The following CALD1 variants were observed in gnomAD, a reference collection of about 807,000 sequenced individuals.
CALD1 encodes the protein caldesmon.
CALD1 carries 33 observed loss-of-function variants against 99.9 expected under a neutral mutation model. That is an observed-to-expected ratio of 0.33 (90% CI 0.25 to 0.44). CALD1 has a LOEUF of 0.44. CALD1 is among the 20% of genes least tolerant of loss of function. The pLI is 1.00. For missense variants in CALD1, 861 were observed against 962.1 expected (o/e 0.89, Z 1.39); for synonymous variants, 310 against 325.0 (o/e 0.95, Z 0.50).
chr7:134,874,822 A>T (rs1260055188), intron 3 of CALD1, among the ~76,000 whole-genome samples: 1 of 152,240 alleles, frequency 6.6e-6, no homozygotes, highest in Admixed American at 6.5e-5. Flanking sequence ...TATAAAAAGA[A>T]GCAATTTTTT....
At chr7:134,728,754 A>G in the CALD1 span, among the ~76,000 whole-genome samples, 3 of 152,032 alleles carry the variant, frequency 2.0e-5, no homozygotes, top group African/African-American at 4.8e-5. Flanking sequence ...CTATCGTTCT[A>G]TCCCTTGAGG....
upstream of CALD1, among the ~76,000 whole-genome samples, chr7:134,779,138 T>C (rs1057330914): frequency 6.6e-6 from 1 of 152,182 alleles, no homozygotes; most frequent in African/African-American, 2.4e-5. Flanking sequence ...AGAAATATAC[T>C]ATTAAGACTC....
chr7:134,964,757 A>T (rs1438955065), intron 13 of CALD1, among the ~76,000 whole-genome samples: 1 of 152,176 alleles, frequency 6.6e-6, no homozygotes, highest in African/African-American at 2.4e-5. Flanking sequence ...TGATCTATTG[A>T]CTTGTAAGAG....
chr7:134,744,232 G>A (rs1796615583), upstream of CALD1: 2 of 152,156 alleles, frequency 1.3e-5, no homozygotes, highest in South Asian at 4.2e-4. Context: ...TTTTCTAGGG[G>A]AGGTAAAGTG....
At chr7:134,746,446 A>T (rs1473441372) in intron 1 of CALD1, among the ~76,000 whole-genome samples, 1 of 152,230 alleles carries the variant, frequency 6.6e-6, no homozygotes, top group Non-Finnish European at 1.5e-5. Flanking sequence ...TGGCAGTCCA[A>T]ACGGTTTAAG....
intron 3 of CALD1, among the ~76,000 whole-genome samples, chr7:134,871,559 A>C (rs1394972224): frequency 3.3e-5 from 5 of 152,228 alleles, no homozygotes; most frequent in African/African-American, 1.2e-4. Context: ...TCAAGAAATT[A>C]TACTTTTGTA....
chr7:134,968,858 T>TA lies in CALD1; in HGVS notation c.*513_*514insA. ...TGAAATACTGCAATAATGGTTGTCT[T>TA]TAAAAAAAAAAAAGAAATGTACTGT... is the stretch of plus-strand genomic sequence containing the variant. On this transcript the variant is annotated 3_prime_UTR_variant, in exon 15 of 15. Transcript: ENST00000361675. 1 of 183,900 alleles carries TA rather than the reference T, an allele frequency of 5.4e-6. No individual in the cohort carries two copies. Among genetic ancestry groups the TA allele is most frequent in the Non-Finnish European group, 1.2e-5 (1 of 84,498 alleles). The allele number at this position is 183,900 out of a possible 1,614,324, so 11.4% of individuals were successfully genotyped here. A position where few individuals can be genotyped will look rare whatever the true frequency, so the allele number is the denominator to read the frequency against.
the CALD1 span, among the ~76,000 whole-genome samples, chr7:134,730,054 C>T: frequency 2.3e-3 from 346 of 152,160 alleles, 2 homozygotes; most frequent in African/African-American, 7.8e-3. Flanking sequence ...GGACATGAGG[C>T]GGCTGCTGCC....
intron 3 of CALD1, among the ~76,000 whole-genome samples, chr7:134,888,607 G>A (rs6955684): frequency 0.22 from 34,051 of 152,038 alleles, 4,249 homozygotes; most frequent in African/African-American, 0.32. Flanking sequence ...GTCTTCCCGC[G>A]TTGCCTGTCT....
intron 1 of CALD1, among the ~76,000 whole-genome samples, chr7:134,817,069 C>T (rs1340907422): frequency 2.6e-5 from 4 of 152,102 alleles, no homozygotes; most frequent in East Asian, 1.9e-4. Context: ...GTTACTGCTT[C>T]GGTTTTATTT....
chr7:134,795,766 T>C (rs963407383), intron 1 of CALD1, among the ~76,000 whole-genome samples: 1 of 152,172 alleles, frequency 6.6e-6, no homozygotes, highest in African/African-American at 2.4e-5. Flanking sequence ...CTCTTGCTTA[T>C]ATATATCTTT....
At chr7:134,919,039 C>T (rs1345030501) in intron 3 of CALD1, among the ~76,000 whole-genome samples, 2 of 152,118 alleles carry the variant, frequency 1.3e-5, no homozygotes, top group African/African-American at 4.8e-5. Flanking sequence ...ACAAAGTAGT[C>T]ATGTACCATA....
At chr7:134,746,580 C>A (rs1796636768) in intron 1 of CALD1, among the ~76,000 whole-genome samples, 1 of 151,418 alleles carries the variant, frequency 6.6e-6, no homozygotes, top group Non-Finnish European at 1.5e-5. Flanking sequence ...TAGAAAAAGC[C>A]TATATTGTGG....
At chr7:134,770,561 C>A (rs1325770787) in intron 1 of CALD1, among the ~76,000 whole-genome samples, 1 of 152,134 alleles carries the variant, frequency 6.6e-6, no homozygotes, top group African/African-American at 2.4e-5. Context: ...CCCCTCTTCT[C>A]CTCCGTGTCT....
At chr7:134,768,681 A>C (rs189837894) in intron 1 of CALD1, among the ~76,000 whole-genome samples, 2 of 151,946 alleles carry the variant, frequency 1.3e-5, no homozygotes, top group Non-Finnish European at 2.9e-5. Context: ...GCAATTTTTT[A>C]AAAAAAACAA....
At chr7:134,967,098 A>G (rs2133301811) in intron 14 of CALD1, among the ~76,000 whole-genome samples, 1 of 152,262 alleles carries the variant, frequency 6.6e-6, no homozygotes, top group South Asian at 2.1e-4. Flanking sequence ...TCTCTGGATA[A>G]CATTCCTCCT....
In CALD1 at chr7:134,783,090, A is replaced by G. The variant is rs981905158; in HGVS notation, c.-130+3341A>G. Among the ~76,000 whole-genome samples the G allele has an allele frequency of 2.6e-5, 4 of 152,216 alleles. No individual in the cohort carries two copies. The highest frequency in any genetic ancestry group is 5.9e-5 in the Non-Finnish European group (4 of 68,032). Reference sequence around the variant, plus strand: ...TAATTGAGGCAGCTTCTCTGCCTCCAGCCAAAAGCATGGAATGAACCCCGG... The same window carrying G: ...TAATTGAGGCAGCTTCTCTGCCTCCGGCCAAAAGCATGGAATGAACCCCGG... On this transcript the variant is annotated intron_variant, in intron 1 of 14. Transcript: ENST00000361675. This position sits in a 1 kb window ranked among gnomAD's most constrained non-coding sequence, Gnocchi z 4.3.
At chr7:134,915,047 C>T (rs1466207120) in intron 3 of CALD1, among the ~76,000 whole-genome samples, 2 of 152,204 alleles carry the variant, frequency 1.3e-5, no homozygotes, top group Non-Finnish European at 1.5e-5. Flanking sequence ...CCTGTGTGTC[C>T]ATTTCCAGGT....
At chr7:134,892,315 A>G (rs1403604168) in intron 3 of CALD1, among the ~76,000 whole-genome samples, 1 of 152,176 alleles carries the variant, frequency 6.6e-6, no homozygotes, top group Non-Finnish European at 1.5e-5. Flanking sequence ...GGGCAACTCA[A>G]CTTACCCCAA....
Sources: gnomAD v4.1 joint callset for allele counts (sites outside exome capture counted in the v4.1 genomes callset) on GRCh38, gnomAD v4.1.1 for gene constraint, Gnocchi (gnomAD v3.1) non-coding constraint, MANE v1.5 for transcripts, NCBI Gene and HGNC (gene_info 2026-07-23, HGNC 2026-07-21) for gene names.